The following CSMD1 variants were observed in gnomAD, a reference collection of about 807,000 sequenced individuals.
CSMD1 encodes CUB and sushi domain-containing protein 1.
CSMD1 carries 213 observed loss-of-function variants against 417.5 expected under a neutral mutation model. The observed-to-expected ratio is 0.51, with a 90% CI of 0.46 to 0.57. The LOEUF (loss-of-function observed/expected upper bound fraction) is 0.57, where lower values mean the gene tolerates loss of function less well. Ranked by LOEUF, CSMD1 falls within the 20% of genes least tolerant of loss-of-function variation. The pLI, the probability that CSMD1 is intolerant of heterozygous loss-of-function variation, is 0.00. For missense variants in CSMD1, 6,923 were observed against 4,529.7 expected (o/e 1.53, Z -15.17); for synonymous variants, 2,862 against 1,736.8 (o/e 1.65, Z -16.11).
intron 1 of CSMD1, among the ~76,000 whole-genome samples, chr8:4,776,496 C>A (rs1796858352): frequency 6.6e-6 from 1 of 152,138 alleles, no homozygotes; most frequent in Non-Finnish European, 1.5e-5. Flanking sequence ...TGGTTAGGAA[C>A]CAACAGCGTC....
intron 3 of CSMD1, among the ~76,000 whole-genome samples, chr8:4,057,018 C>T (rs1798731287): frequency 6.6e-6 from 1 of 152,290 alleles, no homozygotes; most frequent in East Asian, 1.9e-4. Context: ...GTCTTTATAG[C>T]AGCATGATTT....
At chr8:4,269,681 G>C (rs1282053774) in intron 3 of CSMD1, among the ~76,000 whole-genome samples, 1 of 151,796 alleles carries the variant, frequency 6.6e-6, no homozygotes. Flanking sequence ...AAAATTTTTT[G>C]TTTCTTTGCA....
At chr8:3,620,432 A>C (rs2086585) in intron 7 of CSMD1, among the ~76,000 whole-genome samples, 102,762 of 151,874 alleles carry the variant, frequency 0.68, 35,274 homozygotes, top group African/African-American at 0.77. Context: ...CATTTCCTAC[A>C]GTATTTAAAG....
At chr8:4,909,743 G>C (rs1427667323) in intron 1 of CSMD1, among the ~76,000 whole-genome samples, 1 of 152,142 alleles carries the variant, frequency 6.6e-6, no homozygotes, top group African/African-American at 2.4e-5. Context: ...GATCTCACCT[G>C]TATATAGCTC....
At chr8:3,240,045 G>C (rs905132420) in intron 26 of CSMD1, among the ~76,000 whole-genome samples, 1 of 152,126 alleles carries the variant, frequency 6.6e-6, no homozygotes, top group African/African-American at 2.4e-5. Flanking sequence ...GTTGAGCATA[G>C]TTTGTGATTT....
chr8:3,799,467 G>T (rs944828276), intron 5 of CSMD1, among the ~76,000 whole-genome samples: 6 of 136,248 alleles, frequency 4.4e-5, no homozygotes, highest in African/African-American at 1.7e-4. Flanking sequence ...TCACTGTTCA[G>T]TTCCCACCTA....
At chr8:4,655,384 C>G (rs2130906376) in intron 1 of CSMD1, among the ~76,000 whole-genome samples, 1 of 152,016 alleles carries the variant, frequency 6.6e-6, no homozygotes, top group East Asian at 1.9e-4. Context: ...CCAAACAAAA[C>G]TAAGTGATAG....
At chr8:3,951,941 G>A (rs1036955937) in intron 5 of CSMD1, among the ~76,000 whole-genome samples, 3 of 151,776 alleles carry the variant, frequency 2.0e-5, no homozygotes, top group Admixed American at 6.6e-5. Flanking sequence ...AATAGATATC[G>A]AATACATAAT....
At chr8:4,574,889 G>C (rs896059980) in intron 2 of CSMD1, among the ~76,000 whole-genome samples, 21 of 152,150 alleles carry the variant, frequency 1.4e-4, no homozygotes, top group African/African-American at 5.1e-4. Context: ...GACTTTCTTT[G>C]TGAAAGAATA....
chr8:3,290,802 T>G (rs907499228), intron 25 of CSMD1, among the ~76,000 whole-genome samples: 1 of 148,434 alleles, frequency 6.7e-6, no homozygotes, highest in Admixed American at 6.6e-5. Context: ...CTTTTCCTAA[T>G]TGAATACTCT....
chr8:3,928,998 T>A (rs1809948092), intron 5 of CSMD1, among the ~76,000 whole-genome samples: 1 of 150,496 alleles, frequency 6.6e-6, no homozygotes, highest in South Asian at 2.1e-4. Context: ...GTATAAGAAA[T>A]CTTACCGATT....
chr8:3,513,265 G>C (rs1797153428), intron 10 of CSMD1, among the ~76,000 whole-genome samples: 1 of 150,784 alleles, frequency 6.6e-6, no homozygotes, highest in African/African-American at 2.4e-5. Flanking sequence ...AAATTATTTT[G>C]TTTTTTGTAA....
At chr8:4,010,566 C>T (rs759832830) in intron 4 of CSMD1, among the ~76,000 whole-genome samples, 1 of 151,970 alleles carries the variant, frequency 6.6e-6, no homozygotes, top group Non-Finnish European at 1.5e-5. Flanking sequence ...AGTAAGGCAT[C>T]AGTTTCTACA....
chr8:4,794,922 GA>G (rs1233588466), intron 1 of CSMD1, among the ~76,000 whole-genome samples: 2 of 151,680 alleles, frequency 1.3e-5, no homozygotes, highest in Non-Finnish European at 2.9e-5. Flanking sequence ...TGGTCATTTA[GA>G]ACGCTGGGAA....
intron 3 of CSMD1, among the ~76,000 whole-genome samples, chr8:4,387,194 T>G (rs1000938998): frequency 6.6e-5 from 10 of 152,218 alleles, no homozygotes; most frequent in African/African-American, 2.4e-4. Flanking sequence ...CTAGGAGGTA[T>G]CTGAGTGTCA....
intron 7 of CSMD1, among the ~76,000 whole-genome samples, chr8:3,641,716 T>A (rs1250880060): frequency 6.6e-6 from 1 of 152,164 alleles, no homozygotes; most frequent in Non-Finnish European, 1.5e-5. Flanking sequence ...GGCTGCAGGC[T>A]AAATGGAAAT....
At chr8:4,781,141 A>G (rs1487413415) in intron 1 of CSMD1, among the ~76,000 whole-genome samples, 1 of 152,148 alleles carries the variant, frequency 6.6e-6, no homozygotes, top group East Asian at 1.9e-4. Flanking sequence ...GTCACCTGCA[A>G]TCCCACATAG....
chr8:4,163,754 A>G (rs2131105806), intron 3 of CSMD1, among the ~76,000 whole-genome samples: 1 of 152,298 alleles, frequency 6.6e-6, no homozygotes, highest in South Asian at 2.1e-4. Context: ...AATACTGCTA[A>G]GCTTACAATT....
intron 7 of CSMD1, among the ~76,000 whole-genome samples, chr8:3,699,022 C>G (rs955540616): frequency 6.6e-6 from 1 of 152,220 alleles, no homozygotes; most frequent in Non-Finnish European, 1.5e-5. Flanking sequence ...GTACCCACAT[C>G]CCACCTCAAG....
Sources: allele counts gnomAD v4.1 joint callset (sites outside exome capture counted in the v4.1 genomes callset), GRCh38; gene constraint gnomAD v4.1.1; transcripts MANE v1.5; gene names NCBI Gene and HGNC (gene_info 2026-07-23, HGNC 2026-07-21).